Variants in CYP24A1 observed in about 807,000 individuals in gnomAD.
CYP24A1 encodes the protein cytochrome P450 family 24 subfamily A member 1, also known as 1,25-dihydroxyvitamin D(3) 24-hydroxylase, mitochondrial.
Under a neutral mutation model 62.4 loss-of-function variants are expected in CYP24A1, and 68 were observed. The ratio of observed to expected loss-of-function variants is 1.09; its 90% CI spans 0.90 to 1.33. The LOEUF is 1.33. Ranked by LOEUF, CYP24A1 falls within the 40% of genes most tolerant of loss-of-function variation. The pLI is 0.00. For missense variants in CYP24A1, 787 were observed against 653.0 expected (o/e 1.21, Z -2.24); for synonymous variants, 267 against 253.0 (o/e 1.06, Z -0.52).
intron 3 of CYP24A1, 29 bp from the exon 4 acceptor site, chr20:54,169,717 A>G (rs370061669): frequency 8.6e-5 from 138 of 1,613,522 alleles, no homozygotes; most frequent in Non-Finnish European, 1.2e-4. Flanking sequence ...CAAAAGACAC[A>G]TTTTAAAGCC....
chr20:54,168,110 C>T (rs1020839406), intron 4 of CYP24A1, among the ~76,000 whole-genome samples: 2 of 152,160 alleles, frequency 1.3e-5, no homozygotes, highest in African/African-American at 4.8e-5. Context: ...TCCTACTCAA[C>T]CATCAGGACT....
chr20:54,167,891 C>T (rs955282986), intron 4 of CYP24A1, among the ~76,000 whole-genome samples: 5 of 152,168 alleles, frequency 3.3e-5, no homozygotes, highest in African/African-American at 4.8e-5. Context: ...CACAGTGATC[C>T]TCCCAGTAAA....
intron 7 of CYP24A1, 137 bp from the exon 8 acceptor site, chr20:54,159,260 C>A: frequency 1.5e-6 from 1 of 689,104 alleles, no homozygotes; most frequent in Non-Finnish European, 2.6e-6. Context: ...CTTATAGCTA[C>A]GCCTTTAGAC....
chr20:54,163,817 A>G (rs184849977), intron 6 of CYP24A1, among the ~76,000 whole-genome samples: 1 of 152,160 alleles, frequency 6.6e-6, no homozygotes, highest in Non-Finnish European at 1.5e-5. Context: ...ATTATTATTA[A>G]TTATTAGTCC....
At chr20:54,170,101 A>G (rs1338516100) in intron 3 of CYP24A1, among the ~76,000 whole-genome samples, 1 of 152,206 alleles carries the variant, frequency 6.6e-6, no homozygotes, top group African/African-American at 2.4e-5. Flanking sequence ...ACATCTGGGC[A>G]AGCAAACGTC....
chr20:54,154,529 T>C lies in CYP24A1; in HGVS notation c.*243A>G, dbSNP rs1193405335. The C allele has an allele frequency of 6.6e-6, 1 of 152,412 alleles. No individual in the cohort carries two copies. The highest frequency in any genetic ancestry group is 2.4e-5 in the African/African-American group (1 of 41,466). The allele number at this position is 152,412 out of a possible 1,614,324, so 9.4% of individuals were successfully genotyped here. On this transcript the variant is annotated 3_prime_UTR_variant, in exon 12 of 12. Transcript: ENST00000216862. ...GAATTAAAGATTCAAACAGTGAATGTGGTAGGCAGGGCCTGAAACGGTTTG... is the reference window on the plus strand; with the variant it reads ...GAATTAAAGATTCAAACAGTGAATGCGGTAGGCAGGGCCTGAAACGGTTTG...
chr20:54,157,035 G>T lies in CYP24A1; in HGVS notation c.*10+134C>A, dbSNP rs917803290. The T allele has an allele frequency of 4.6e-6, 3 of 647,960 alleles. No homozygotes were observed. In the African/African-American group the frequency reaches 5.5e-5, roughly 12 times the overall value. 40.1% of individuals were successfully genotyped at this position (647,960 alleles called of 1,614,324 possible). ...AAAAAAAGGAAGTAGAGAGTTTAGG[G>T]AACTGCTCAAGGTCACCCAGCAAGT... On this transcript the variant is annotated intron_variant, in intron 11 of 11. Transcript: ENST00000216862.
chr20:54,172,411 T>G (rs559996335), intron 2 of CYP24A1, among the ~76,000 whole-genome samples: 1 of 152,262 alleles, frequency 6.6e-6, no homozygotes, highest in African/African-American at 2.4e-5. Context: ...AACTTTGATA[T>G]CCCTCCTTAT....
chr20:54,173,298 T>A lies in CYP24A1; in HGVS notation c.258+24A>T. The A allele has an allele frequency of 6.3e-7, 1 of 1,598,840 alleles. No individual in the cohort carries two copies. The highest frequency in any genetic ancestry group is 8.6e-7 in the Non-Finnish European group (1 of 1,168,550). ...GGAGGGCGGAAGAGGGAGGAGAGAG[T>A]CAGGGGCGCGAAAAGGGGTTTACCA... On this transcript the variant is annotated intron_variant, in intron 1 of 11. Transcript: ENST00000216862. This position sits in a 1 kb window ranked among gnomAD's most constrained non-coding sequence, Gnocchi z 7.2.
Position 54,172,980 on chromosome 20 carries a change from CG to C in CYP24A1, c.377del (p.Pro126ArgfsTer23). 1 of 1,613,024 alleles carries C rather than the reference CG, an allele frequency of 6.2e-7. No homozygotes were observed. Among genetic ancestry groups the C allele is most frequent in the Non-Finnish European group, 8.5e-7 (1 of 1,180,038 alleles). ...EALYRTESAY[P>X]QRLEIKPWKA... ...TCCACGGTTTGATCTCCAGCCGCTG[CG>C]GGTACGCGCTCTCGGTGCGGTACAG... is the stretch of plus-strand genomic sequence containing the variant. On this transcript the variant is annotated frameshift_variant, in exon 2 of 12. Transcript: ENST00000216862. LOFTEE classifies it high-confidence loss of function.
chr20:54,146,486 A>C, the CYP24A1 span, among the ~76,000 whole-genome samples: 1 of 152,220 alleles, frequency 6.6e-6, no homozygotes, highest in African/African-American at 2.4e-5. Context: ...ATCATAACAG[A>C]AAAAAAGCAT....
rs1350544659 is a variant in CYP24A1, at chr20:54,157,447, T to A, written c.1375A>T (p.Lys459Ter). 6.2e-7 allele frequency: 1 copy of A among 1,607,014 alleles called. No homozygotes were observed. The highest frequency in any genetic ancestry group is 8.5e-7 in the Non-Finnish European group (1 of 1,173,486). ...AATCGGCGACCAATGCACATTCTTT[T>A]TCCAACGCCAAATGGAAGATGCGCA... ...PFAHLPFGVG[K>*]RMCIGRRLAE... Residue 459 changes from lysine to a stop codon, truncating the protein, a stop_gained, in exon 10 of 12, where the codon AAA (lysine) becomes TAA (stop). Transcript: ENST00000216862. LOFTEE classifies it high-confidence loss of function.
rs963159311 is a variant in CYP24A1, at chr20:54,166,858, G to A, written c.641-1025C>T. The stretch of plus-strand genomic sequence containing the variant: ...AATAGCCTGGGCAACATGGCAAAAC[G>A]CTGTCTCTACAAAAAAATAAAAATA... On this transcript the variant is annotated intron_variant, in intron 4 of 11. Coordinates refer to ENST00000216862, the MANE Select transcript of CYP24A1 (RefSeq NM_000782.5). 3.3e-5 allele frequency among the ~76,000 whole-genome samples: 5 copies of A among 151,934 alleles called. No homozygotes were observed. In the East Asian group the frequency reaches 7.7e-4, roughly 24 times the overall value.
chr20:54,172,619 C>T (rs548149322), intron 2 of CYP24A1, among the ~76,000 whole-genome samples: 1 of 152,216 alleles, frequency 6.6e-6, no homozygotes, highest in African/African-American at 2.4e-5. Flanking sequence ...AGTCTGAACA[C>T]CACAGTTGGT....
At chr20:54,144,131 G>T in the CYP24A1 span, among the ~76,000 whole-genome samples, 1 of 152,174 alleles carries the variant, frequency 6.6e-6, no homozygotes, top group African/African-American at 2.4e-5. Context: ...ATGCTTAGAA[G>T]TACCTTGCTC....
downstream of CYP24A1, among the ~76,000 whole-genome samples, chr20:54,149,744 A>G (rs2092609817): frequency 6.6e-6 from 1 of 152,172 alleles, no homozygotes; most frequent in Non-Finnish European, 1.5e-5. Flanking sequence ...TGGAAAGATG[A>G]CTATGGAAGG....
At chr20:54,172,831 C>A (rs1368234994) in intron 2 of CYP24A1, 78 bp downstream of exon 2, 1 of 1,606,064 alleles carries the variant, frequency 6.2e-7, no homozygotes, top group South Asian at 1.1e-5. Flanking sequence ...AACTCTAACT[C>A]CGCCTCTTCA....
intron 2 of CYP24A1, chr20:54,171,891 G>A (rs1333386849): frequency 8.7e-7 from 1 of 1,151,962 alleles, no homozygotes; most frequent in Non-Finnish European, 1.2e-6. Context: ...TTTCCTCCTA[G>A]TCAAAGATTG....
At position 54,173,309 on chromosome 20, in the gene CYP24A1, A is replaced by C. The variant is rs1173230541; in HGVS notation, c.258+13T>G. The C allele has an allele frequency of 2.5e-6, 4 of 1,605,984 alleles. No individual in the cohort carries two copies. Among genetic ancestry groups the C allele is most frequent in the Admixed American group, 3.4e-5 (2 of 59,568 alleles). On this transcript the variant is annotated intron_variant, in intron 1 of 11. Coordinates refer to ENST00000216862, the MANE Select transcript of CYP24A1 (RefSeq NM_000782.5). The surrounding 1 kb of genome is among the most constrained non-coding windows in gnomAD (Gnocchi z 7.2). ...GAGGGAGGAGAGAGTCAGGGGCGCG[A>C]AAAGGGGTTTACCAGGGTGTCGTGC... is the stretch of plus-strand genomic sequence containing the variant.
Sources: gnomAD v4.1 joint callset for allele counts (sites outside exome capture counted in the v4.1 genomes callset) on GRCh38, gnomAD v4.1.1 for gene constraint, Gnocchi (gnomAD v3.1) non-coding constraint, MANE v1.5 for transcripts, NCBI Gene and HGNC (gene_info 2026-07-23, HGNC 2026-07-21) for gene names.